Variants in AFG1L observed in about 807,000 individuals in gnomAD.
AFG1L encodes AFG1-like ATPase.
AFG1L carries 53 observed loss-of-function variants against 62.2 expected under a neutral mutation model. The observed-to-expected ratio is 0.85, with a 90% CI of 0.68 to 1.07. The LOEUF is 1.07. Ranked by LOEUF, AFG1L falls within the 50% of genes least tolerant of loss-of-function variation. The pLI, the probability that AFG1L is intolerant of heterozygous loss-of-function variation, is 0.00. For synonymous variants in AFG1L, 228 were observed against 210.3 expected (o/e 1.08, Z -0.73); for missense variants, 555 against 590.5 (o/e 0.94, Z 0.62).
intron 7 of AFG1L, among the ~76,000 whole-genome samples, chr6:108,441,574 A>G (rs1472158047): frequency 1.3e-5 from 2 of 151,992 alleles, no homozygotes; most frequent in African/African-American, 4.8e-5. Flanking sequence ...AATTTCTTAG[A>G]GATCATGCTC....
At chr6:108,447,177 C>A in intron 7 of AFG1L, 37 bp from the exon 8 acceptor site, 1 of 1,094,738 alleles carries the variant, frequency 9.1e-7, no homozygotes, top group Non-Finnish European at 1.4e-6. Flanking sequence ...TGAGCCACTA[C>A]TTGTTTAAAA....
chr6:108,315,118 A>T (rs1333378044), intron 1 of AFG1L, among the ~76,000 whole-genome samples: 1 of 152,046 alleles, frequency 6.6e-6, no homozygotes, highest in African/African-American at 2.4e-5. Flanking sequence ...GCCTCAAGTG[A>T]TCTGCTGGCC....
At position 108,501,446 on chromosome 6, in the gene AFG1L, A is replaced by G. The variant is rs956699201; in HGVS notation, c.1063-8766A>G. ...GCAATGAAGGAAGCTAGATGAAATT[A>G]GTAGTAGGATAGGCTAACTGCTGCA... On this transcript the variant is annotated intron_variant, in intron 10 of 12. Transcript: ENST00000368977. Among the ~76,000 whole-genome samples the G allele has an allele frequency of 5.3e-5, 8 of 152,242 alleles. No homozygotes were observed. The East Asian group carries it at 9.6e-4, about 18-fold the overall frequency.
chr6:108,445,395 C>G (rs1163251570), intron 7 of AFG1L, among the ~76,000 whole-genome samples: 3 of 152,130 alleles, frequency 2.0e-5, no homozygotes, highest in African/African-American at 7.2e-5. Context: ...TCATTTCCTT[C>G]AAGAACTTTT....
intron 2 of AFG1L, among the ~76,000 whole-genome samples, chr6:108,337,443 C>T (rs1473297066): frequency 6.6e-6 from 1 of 152,174 alleles, no homozygotes; most frequent in Non-Finnish European, 1.5e-5. Flanking sequence ...TTTGTCCCCC[C>T]TTCTATTCCG....
intron 1 of AFG1L, among the ~76,000 whole-genome samples, chr6:108,295,517 A>G (rs1776733946): frequency 6.6e-6 from 1 of 151,398 alleles, no homozygotes; most frequent in African/African-American, 2.4e-5. Context: ...GAAGAGATGC[A>G]GGTGTGGGGT....
rs542855620 is a variant in AFG1L at position 108,303,459 on chromosome 6, G to C, written c.139+8241G>C. On this transcript the variant is annotated intron_variant, in intron 1 of 12. Transcript: ENST00000368977. ...AGCGTTATGGATGCTAGCTCTTCCT[G>C]GTGTCTTTTGCCTCTCTTGCCCAAG... Among the ~76,000 whole-genome samples, 121 of 152,226 alleles carry C rather than the reference G, an allele frequency of 7.9e-4. 1 individual carries two copies. The highest frequency in any genetic ancestry group is 2.7e-3 in the African/African-American group (112 of 41,516).
chr6:108,475,292 C>T lies in AFG1L; in HGVS notation c.891-1573C>T, dbSNP rs1022176580. ...TACCAGGCTGTTTTGGTTACTGTAG[C>T]CTTGCAGTATAGTTTGAAGTTTGCT... On this transcript the variant is annotated intron_variant, in intron 8 of 12. Transcript: ENST00000368977. 4.6e-5 allele frequency among the ~76,000 whole-genome samples: 7 copies of T among 152,118 alleles called. No individual in the cohort carries two copies. The East Asian group carries it at 1.2e-3, about 25-fold the overall frequency.
At chr6:108,327,205 C>T (rs1442402116) in intron 2 of AFG1L, among the ~76,000 whole-genome samples, 5 of 152,082 alleles carry the variant, frequency 3.3e-5, no homozygotes, top group Admixed American at 3.3e-4. Context: ...ATTGTGTTAA[C>T]ACTATTAGTT....
chr6:108,308,298 C>T lies in AFG1L; in HGVS notation c.139+13080C>T, dbSNP rs143064076. Among the ~76,000 whole-genome samples, 312 of 151,888 alleles carry T rather than the reference C, an allele frequency of 2.1e-3. 2 individuals are homozygous for T. The highest frequency in any genetic ancestry group is 6.8e-3 in the African/African-American group (281 of 41,426). On this transcript the variant is annotated intron_variant, in intron 1 of 12. Transcript: ENST00000368977. ...CCGAGTAGCTGGGACGACAGGCATGCGCCACCACACCCAGCTAATTGTTAA... is the reference window on the plus strand; with the variant it reads ...CCGAGTAGCTGGGACGACAGGCATGTGCCACCACACCCAGCTAATTGTTAA...
At chr6:108,446,193 T>G (rs1771790382) in intron 7 of AFG1L, among the ~76,000 whole-genome samples, 1 of 151,642 alleles carries the variant, frequency 6.6e-6, no homozygotes, top group Non-Finnish European at 1.5e-5. Context: ...AAGTAAGAAT[T>G]TGGGATGTGT....
intron 7 of AFG1L, among the ~76,000 whole-genome samples, chr6:108,441,767 T>C (rs1429787907): frequency 6.6e-6 from 1 of 150,942 alleles, no homozygotes; most frequent in African/African-American, 2.4e-5. Context: ...AATTAAGTGC[T>C]AACATCTAAG....
At chr6:108,411,304 T>C (rs954982106) in intron 7 of AFG1L, among the ~76,000 whole-genome samples, 3 of 152,212 alleles carry the variant, frequency 2.0e-5, no homozygotes, top group African/African-American at 4.8e-5. Context: ...CAAGGAGGCC[T>C]ACCTGCCTCT....
At chr6:108,512,636 G>A (rs532001690) in intron 11 of AFG1L, among the ~76,000 whole-genome samples, 5 of 152,120 alleles carry the variant, frequency 3.3e-5, no homozygotes, top group Non-Finnish European at 7.3e-5. Flanking sequence ...TTTCAGCTAG[G>A]AATGCCTTAC....
intron 2 of AFG1L, among the ~76,000 whole-genome samples, chr6:108,330,185 T>A (rs201052953): frequency 0.037 from 5,342 of 144,058 alleles, 174 homozygotes; most frequent in South Asian, 0.17. Flanking sequence ...CTTTTTTATT[T>A]TTTTTTTTTT....
At chr6:108,410,437 AC>A (rs1582542036) in intron 7 of AFG1L, among the ~76,000 whole-genome samples, 1 of 152,296 alleles carries the variant, frequency 6.6e-6, no homozygotes, top group East Asian at 1.9e-4. Context: ...AGGCTTGTAA[AC>A]TGCAAGTAGA....
chr6:108,460,994 A>G (rs1238504332), intron 8 of AFG1L, among the ~76,000 whole-genome samples: 1 of 152,226 alleles, frequency 6.6e-6, no homozygotes, highest in Admixed American at 6.5e-5. Flanking sequence ...GACAACAACA[A>G]AAAGAAGTCC....
chr6:108,521,895 C>T (rs1334027715), intron 12 of AFG1L: 1 of 156,078 alleles, frequency 6.4e-6, no homozygotes, highest in Non-Finnish European at 1.4e-5. Context: ...TGCATTTGCT[C>T]TCCTTTAGTC....
intron 2 of AFG1L, among the ~76,000 whole-genome samples, chr6:108,337,042 G>A (rs544952809): frequency 6.6e-5 from 10 of 152,318 alleles, no homozygotes; most frequent in African/African-American, 2.4e-4. Flanking sequence ...ATGTATGTAT[G>A]TAAGAGATGG....
Sources: gnomAD v4.1 joint callset for allele counts (sites outside exome capture counted in the v4.1 genomes callset) on GRCh38, gnomAD v4.1.1 for gene constraint, MANE v1.5 for transcripts, NCBI Gene and HGNC (gene_info 2026-07-23, HGNC 2026-07-21) for gene names.